The following HMGCLL1 variants were observed in gnomAD, a reference collection of about 807,000 sequenced individuals.
HMGCLL1 encodes 3-hydroxymethyl-3-methylglutaryl-CoA lyase, cytoplasmic.
HMGCLL1 carries 36 observed loss-of-function variants against 39.1 expected under a neutral mutation model. The ratio of observed to expected loss-of-function variants is 0.92; its 90% CI spans 0.71 to 1.22. HMGCLL1 has a LOEUF of 1.22. Ranked by LOEUF, HMGCLL1 falls within the 50% of genes most tolerant of loss-of-function variation. The pLI is 0.00. For missense variants in HMGCLL1, 451 were observed against 416.5 expected, an observed-to-expected ratio of 1.08 and a Z score of -0.72; for synonymous variants, 149 against 144.0, an observed-to-expected ratio of 1.03 and a Z score of -0.25.
At chr6:55,593,312 T>A in the HMGCLL1 span, among the ~76,000 whole-genome samples, 1 of 152,190 alleles carries the variant, frequency 6.6e-6, no homozygotes, top group South Asian at 2.1e-4. Flanking sequence ...TTAGTGTCAG[T>A]AGTTGAGAAG....
chr6:55,514,911 AT>A (rs1175992677), intron 4 of HMGCLL1, among the ~76,000 whole-genome samples: 1 of 151,990 alleles, frequency 6.6e-6, no homozygotes, highest in Admixed American at 6.6e-5. Context: ...CTGTTAATGT[AT>A]TTCTAGCACT....
chr6:55,616,822 T>A, the HMGCLL1 span, among the ~76,000 whole-genome samples: 1 of 151,924 alleles, frequency 6.6e-6, no homozygotes, highest in East Asian at 1.9e-4. Flanking sequence ...TGAAACTTAG[T>A]TATGTCTTTA....
intron 7 of HMGCLL1, among the ~76,000 whole-genome samples, chr6:55,464,643 TA>T (rs2127398804): frequency 6.6e-6 from 1 of 152,220 alleles, no homozygotes; most frequent in Admixed American, 6.5e-5. Flanking sequence ...TTCCTACAGG[TA>T]AACTCAAATT....
chr6:55,625,612 C>T, the HMGCLL1 span, among the ~76,000 whole-genome samples: 30 of 152,184 alleles, frequency 2.0e-4, no homozygotes, highest in Admixed American at 2.6e-4. Context: ...GAAGGGAAAT[C>T]TTCCCAGTGG....
At chr6:55,577,697 T>C (rs1003292051) in intron 1 of HMGCLL1, among the ~76,000 whole-genome samples, 5 of 152,158 alleles carry the variant, frequency 3.3e-5, no homozygotes, top group African/African-American at 9.7e-5. Context: ...CTCTCAGACT[T>C]AGGAAATATA....
chr6:55,482,139 A>G (rs1425787803), intron 7 of HMGCLL1, among the ~76,000 whole-genome samples: 3 of 152,140 alleles, frequency 2.0e-5, no homozygotes, highest in Non-Finnish European at 4.4e-5. Flanking sequence ...ATAAGACACC[A>G]TGACTTTAAG....
intron 7 of HMGCLL1, among the ~76,000 whole-genome samples, chr6:55,460,297 A>G (rs893851615): frequency 6.6e-6 from 1 of 151,988 alleles, no homozygotes; most frequent in African/African-American, 2.4e-5. Context: ...ATTTATTTTA[A>G]TATATATAAA....
chr6:55,642,850 ACT>A, the HMGCLL1 span, among the ~76,000 whole-genome samples: 940 of 151,962 alleles, frequency 6.2e-3, 9 homozygotes, highest in African/African-American at 0.021. Flanking sequence ...GTTAATATGT[ACT>A]CATCATTTAG....
chr6:55,493,147 C>A (rs1055075112), intron 7 of HMGCLL1, among the ~76,000 whole-genome samples: 1 of 151,854 alleles, frequency 6.6e-6, no homozygotes, highest in African/African-American at 2.4e-5. Flanking sequence ...TGCTACTAAC[C>A]CATAAGTATT....
Position 55,495,457 on chromosome 6 carries a change from ATG to A in HMGCLL1, c.755_756del (p.Thr252IlefsTer17). The A allele has an allele frequency of 6.2e-7, 1 of 1,614,014 alleles. No individual in the cohort carries two copies. Among genetic ancestry groups the A allele is most frequent in the Non-Finnish European group, 8.5e-7 (1 of 1,179,930 alleles). The stretch of plus-strand genomic sequence containing the variant: ...AGGATATTTGCTAAGGCTTGTCCGT[ATG>A]TGTCATGACAGTGAACAGCAAGAGC... The part of the protein sequence containing the change: ...PGALAVHCHD[T>X]YGQALANILT... On this transcript the variant is annotated frameshift_variant, in exon 7 of 9. Coordinates refer to ENST00000274901, the MANE Select transcript of HMGCLL1 (RefSeq NM_001042406.2). LOFTEE classifies it high-confidence loss of function.
intron 3 of HMGCLL1, among the ~76,000 whole-genome samples, chr6:55,520,594 T>C (rs1290054093): frequency 1.3e-5 from 2 of 152,080 alleles, no homozygotes; most frequent in Non-Finnish European, 1.5e-5. Flanking sequence ...GTCCTTGCTT[T>C]AATTTTTTTT....
At chr6:55,544,722 C>G (rs541199981) in intron 1 of HMGCLL1, among the ~76,000 whole-genome samples, 2 of 151,994 alleles carry the variant, frequency 1.3e-5, no homozygotes, top group African/African-American at 4.8e-5. Context: ...GCAAAAGAAC[C>G]CAGATGGTCC....
chr6:55,614,661 A>G, the HMGCLL1 span, among the ~76,000 whole-genome samples: 4 of 152,058 alleles, frequency 2.6e-5, no homozygotes, highest in African/African-American at 9.7e-5. Context: ...TAACACTTAT[A>G]TTTTTGTTCT....
At chr6:55,591,324 A>C in the HMGCLL1 span, among the ~76,000 whole-genome samples, 2 of 151,148 alleles carry the variant, frequency 1.3e-5, no homozygotes, top group Non-Finnish European at 3.0e-5. Context: ...AAGTTAAAAA[A>C]CTCTTAATAT....
upstream of HMGCLL1, chr6:55,579,304 A>G: frequency 1.8e-6 from 1 of 567,026 alleles, no homozygotes; most frequent in South Asian, 2.0e-5. Flanking sequence ...GAGCACCTGA[A>G]CAGGAGAGAA....
chr6:55,458,562 G>C (rs1764426260), intron 7 of HMGCLL1, among the ~76,000 whole-genome samples: 1 of 152,126 alleles, frequency 6.6e-6, no homozygotes, highest in African/African-American at 2.4e-5. Flanking sequence ...CAAATGCTTT[G>C]ACAAGGAGGA....
At chr6:55,482,166 A>G (rs181778347) in intron 7 of HMGCLL1, among the ~76,000 whole-genome samples, 129 of 152,256 alleles carry the variant, frequency 8.5e-4, no homozygotes, top group African/African-American at 3.0e-3. Flanking sequence ...AACAAACACT[A>G]TTACCACTTT....
At chr6:55,545,541 T>C (rs577393540) in intron 1 of HMGCLL1, among the ~76,000 whole-genome samples, 9 of 152,098 alleles carry the variant, frequency 5.9e-5, no homozygotes, top group South Asian at 2.1e-4. Flanking sequence ...CAAGTAATTA[T>C]TGAGTACAGT....
intron 5 of HMGCLL1, among the ~76,000 whole-genome samples, chr6:55,500,794 T>C (rs1766843598): frequency 6.6e-6 from 1 of 151,982 alleles, no homozygotes; most frequent in Non-Finnish European, 1.5e-5. Flanking sequence ...TGGCTAAGGA[T>C]GGAAAAGGAG....
Sources: allele counts gnomAD v4.1 joint callset (sites outside exome capture counted in the v4.1 genomes callset), GRCh38; gene constraint gnomAD v4.1.1; transcripts MANE v1.5; gene names NCBI Gene and HGNC (gene_info 2026-07-23, HGNC 2026-07-21).